NPAS3: variants seen among roughly 807,000 people sequenced by gnomAD.
NPAS3 encodes the protein neuronal PAS domain-containing protein 3.
A neutral mutation model predicts 73.1 loss-of-function variants in NPAS3; 14 were observed. That is an observed-to-expected ratio of 0.19 (90% confidence interval 0.13 to 0.30). NPAS3 has a LOEUF of 0.30. Ranked by LOEUF, NPAS3 falls within the 10% of genes least tolerant of loss-of-function variation. NPAS3 has a pLI of 1.00. For synonymous variants in NPAS3, 620 were observed against 541.5 expected (o/e 1.14, Z -2.01); for missense variants, 1,096 against 1,250.0 (o/e 0.88, Z 1.86).
At chr14:33,075,657 G>A (rs192396943) in intron 2 of NPAS3, among the ~76,000 whole-genome samples, 21 of 152,254 alleles carry the variant, frequency 1.4e-4, no homozygotes, top group East Asian at 5.8e-4. Flanking sequence ...TGTATGCTTC[G>A]TATTAGGCCA....
intron 3 of NPAS3, among the ~76,000 whole-genome samples, chr14:33,342,324 C>T (rs115191875): frequency 0.013 from 2,009 of 152,312 alleles, 42 homozygotes; most frequent in African/African-American, 0.046. Flanking sequence ...GGCAAAACTG[C>T]TTAAACCTAC....
chr14:32,961,759 C>G (rs78345438), intron 1 of NPAS3, among the ~76,000 whole-genome samples: 2,467 of 152,136 alleles, frequency 0.016, 59 homozygotes, highest in African/African-American at 0.055. Flanking sequence ...AAGATATATC[C>G]CCATTTTATA....
At chr14:33,089,542 C>T (rs970667220) in intron 2 of NPAS3, among the ~76,000 whole-genome samples, 113 of 152,262 alleles carry the variant, frequency 7.4e-4, no homozygotes, top group Middle Eastern at 3.4e-3. Flanking sequence ...CTGAAACTGA[C>T]GGGGAGAGTG....
At position 33,681,320 on chromosome 14, in the gene NPAS3, GATTTCTAT is replaced by G. The variant is rs1033901838; in HGVS notation, c.733+4936_733+4943del. Among the ~76,000 whole-genome samples, 198 of 152,146 alleles carry G rather than the reference GATTTCTAT, an allele frequency of 1.3e-3. 2 individuals are homozygous for G. The highest frequency in any genetic ancestry group is 4.6e-3 in the African/African-American group (191 of 41,464). On this transcript the variant is annotated intron_variant, in intron 6 of 11. Transcript: ENST00000356141. ...AGGGATATTTTTTGTATTGGGTCAAGATTTCTATCAATGAACTGAATTTAGAAGTTAGG... is the reference window on the plus strand; with the variant it reads ...AGGGATATTTTTTGTATTGGGTCAAGCAATGAACTGAATTTAGAAGTTAGG...
Position 33,784,751 on chromosome 14 carries a change from T to TATTTTTA in NPAS3, c.1153+6179_1153+6180insATTTTTA, listed in dbSNP as rs199829124. ...TTTATTTATTTATTTATTTATTTTTTTTTTTTTTTTTTTTTTGAGACAGAG... is the reference window on the plus strand; with the variant it reads ...TTTATTTATTTATTTATTTATTTTTTATTTTTATTTTTTTTTTTTTTTTGAGACAGAG... On this transcript the variant is annotated intron_variant, in intron 9 of 11. Coordinates refer to ENST00000356141, the Ensembl canonical transcript of NPAS3. Among the ~76,000 whole-genome samples the TATTTTTA allele has an allele frequency of 3.5e-3, 402 of 114,830 alleles. 3 individuals are homozygous for TATTTTTA. The highest frequency in any genetic ancestry group is 6.8e-3 in the African/African-American group (177 of 25,868). 75.3% of individuals were successfully genotyped at this position (114,830 alleles called of 152,430 possible). A position where few individuals can be genotyped will look rare whatever the true frequency, so the allele number is the denominator to read the frequency against.
intron 4 of NPAS3, among the ~76,000 whole-genome samples, chr14:33,495,422 T>C (rs1355946966): frequency 6.6e-6 from 1 of 152,128 alleles, no homozygotes. Context: ...GTAACTGTGA[T>C]GTGATGCTGA....
chr14:33,676,730 A>C (rs2059779199), intron 6 of NPAS3, among the ~76,000 whole-genome samples: 1 of 152,206 alleles, frequency 6.6e-6, no homozygotes. Context: ...TTTATTATTC[A>C]GCAAAATCTA....
At chr14:33,740,753 G>A (rs2061635366) in intron 7 of NPAS3, among the ~76,000 whole-genome samples, 1 of 152,198 alleles carries the variant, frequency 6.6e-6, no homozygotes, top group African/African-American at 2.4e-5. Context: ...AATGAGTCAT[G>A]TTAGCATCAC....
At chr14:33,241,952 A>T (rs961311204) in intron 3 of NPAS3, among the ~76,000 whole-genome samples, 13 of 152,148 alleles carry the variant, frequency 8.5e-5, no homozygotes, top group Non-Finnish European at 1.8e-4. Flanking sequence ...ACATGAAAAT[A>T]GTTTCATGTT....
intron 5 of NPAS3, among the ~76,000 whole-genome samples, chr14:33,599,485 C>A (rs970519998): frequency 6.6e-6 from 1 of 152,182 alleles, no homozygotes; most frequent in South Asian, 2.1e-4. Context: ...GTCCCCTGTG[C>A]ACCATAATAA....
At chr14:33,273,045 C>A (rs2041167706) in intron 3 of NPAS3, among the ~76,000 whole-genome samples, 1 of 152,190 alleles carries the variant, frequency 6.6e-6, no homozygotes, top group South Asian at 2.1e-4. Flanking sequence ...GTGGATCTTT[C>A]TGCAGTCCTG....
At chr14:33,491,473 G>A (rs1208515228) in intron 4 of NPAS3, among the ~76,000 whole-genome samples, 1 of 152,138 alleles carries the variant, frequency 6.6e-6, no homozygotes, top group Non-Finnish European at 1.5e-5. Flanking sequence ...AAGATGGTAG[G>A]CACTAGCCGC....
rs191569863 is a variant in NPAS3 at position 33,681,565 on chromosome 14, C to T, written c.733+5180C>T. ...AAAATCAGGGAAAAGTGAGAGATCC[C>T]CTACTGGGGAAAGGCATACAGTGAC... On this transcript the variant is annotated intron_variant, in intron 6 of 11. Coordinates refer to ENST00000356141, the Ensembl canonical transcript of NPAS3. Among the ~76,000 whole-genome samples, 282 of 152,232 alleles carry T rather than the reference C, an allele frequency of 1.9e-3. 2 individuals are homozygous for T. Among genetic ancestry groups the T allele is most frequent in the African/African-American group, 6.0e-3 (251 of 41,540 alleles).
chr14:33,469,008 T>C (rs2050660134), intron 4 of NPAS3, among the ~76,000 whole-genome samples: 1 of 152,224 alleles, frequency 6.6e-6, no homozygotes, highest in Non-Finnish European at 1.5e-5. Flanking sequence ...TCTCCTACAG[T>C]TCTTGTAATT....
In NPAS3 at chr14:33,308,560, A is replaced by G. The variant is rs1343831675; in HGVS notation, c.386-58626A>G. 1.7e-3 allele frequency among the ~76,000 whole-genome samples: 103 copies of G among 59,178 alleles called. 2 individuals carry two copies. Among genetic ancestry groups the G allele is most frequent in the African/African-American group, 0.011 (91 of 8,360 alleles). The allele number at this position is 59,178 out of a possible 152,430, so 38.8% of individuals were successfully genotyped here. A position where few individuals can be genotyped will look rare whatever the true frequency, so the allele number is the denominator to read the frequency against. ...CACACACACACACACACACACATAC[A>G]TACATTATATATATGTATATCTATA... On this transcript the variant is annotated intron_variant, in intron 3 of 11. Coordinates refer to ENST00000356141, the Ensembl canonical transcript of NPAS3.
chr14:33,689,447 A>G (rs1379397448), intron 6 of NPAS3, among the ~76,000 whole-genome samples: 1 of 152,188 alleles, frequency 6.6e-6, no homozygotes, highest in Non-Finnish European at 1.5e-5. Flanking sequence ...TCCTAATGGA[A>G]AGGGTGGCCA....
chr14:33,656,915 A>T (rs1015602608), intron 5 of NPAS3, among the ~76,000 whole-genome samples: 8 of 152,168 alleles, frequency 5.3e-5, no homozygotes, highest in South Asian at 4.1e-4. Context: ...TCAAAGAGAT[A>T]TCTGCCCTTT....
intron 2 of NPAS3, among the ~76,000 whole-genome samples, chr14:33,112,698 T>C (rs978031428): frequency 2.6e-5 from 4 of 152,234 alleles, no homozygotes; most frequent in African/African-American, 2.4e-5. Flanking sequence ...ATTTTTCCTT[T>C]TGTTGCCATT....
At chr14:32,952,541 C>T (rs17452608) in intron 1 of NPAS3, among the ~76,000 whole-genome samples, 38,876 of 151,744 alleles carry the variant, frequency 0.26, 5,226 homozygotes, top group Non-Finnish European at 0.3. Flanking sequence ...CATTAGTCAA[C>T]ACTTTGAAGT....
Sources: allele counts gnomAD v4.1 joint callset (sites outside exome capture counted in the v4.1 genomes callset), GRCh38; gene constraint gnomAD v4.1.1; transcripts MANE v1.5; gene names NCBI Gene and HGNC (gene_info 2026-07-23, HGNC 2026-07-21).